Variants in TRDN observed in about 807,000 individuals in gnomAD.
The protein encoded by TRDN is triadin in skeletal muscle.
Under a neutral mutation model 149.7 loss-of-function variants are expected in TRDN, and 161 were observed. That is an observed-to-expected ratio of 1.08 (90% confidence interval 0.95 to 1.23). TRDN has a LOEUF of 1.23. Ranked by LOEUF, TRDN falls within the 50% of genes most tolerant of loss-of-function variation. The pLI is 0.00. For missense variants in TRDN, 896 were observed against 823.5 expected, an observed-to-expected ratio of 1.09 and a Z score of -1.08; for synonymous variants, 294 against 250.5, an observed-to-expected ratio of 1.17 and a Z score of -1.64.
chr6:123,530,594 A>C (rs1268079469), intron 4 of TRDN, 29 bp from the exon 5 acceptor site: 1 of 1,163,400 alleles, frequency 8.6e-7, no homozygotes, highest in Non-Finnish European at 1.2e-6. Context: ...TATAATTTTA[A>C]AACTCTGAAA....
At chr6:123,364,295 G>T (rs1781007805) in intron 20 of TRDN, among the ~76,000 whole-genome samples, 1 of 152,158 alleles carries the variant, frequency 6.6e-6, no homozygotes, top group Non-Finnish European at 1.5e-5. Context: ...TCTTAACTGT[G>T]TCTCAAGACT....
intron 12 of TRDN, among the ~76,000 whole-genome samples, chr6:123,435,926 T>A (rs1034837371): frequency 6.6e-6 from 1 of 151,944 alleles, no homozygotes; most frequent in Admixed American, 6.6e-5. Flanking sequence ...GATTTTCCCA[T>A]GAACCATTGC....
intron 12 of TRDN, among the ~76,000 whole-genome samples, chr6:123,422,840 C>T (rs1445434065): frequency 6.6e-6 from 1 of 152,092 alleles, no homozygotes; most frequent in African/African-American, 2.4e-5. Context: ...TCAATGACAA[C>T]TATAACAGGT....
At chr6:123,560,730 C>T (rs1781943726) in intron 2 of TRDN, among the ~76,000 whole-genome samples, 1 of 152,202 alleles carries the variant, frequency 6.6e-6, no homozygotes, top group African/African-American at 2.4e-5. Context: ...ATCTATCAAT[C>T]TCTTCCCACA....
chr6:123,474,140 A>G (rs1325067621), intron 9 of TRDN, among the ~76,000 whole-genome samples: 1 of 148,524 alleles, frequency 6.7e-6, no homozygotes, highest in African/African-American at 2.5e-5. Flanking sequence ...ATTAAAAGAC[A>G]CAGACTGGCA....
In TRDN at chr6:123,550,177, C is replaced by G. The variant is rs79507376; in HGVS notation, c.233-1565G>C. 2.9e-3 allele frequency among the ~76,000 whole-genome samples: 439 copies of G among 151,988 alleles called. 2 individuals are homozygous for G. Among genetic ancestry groups the G allele is most frequent in the African/African-American group, 0.01 (421 of 41,454 alleles). On this transcript the variant is annotated intron_variant, in intron 2 of 40. Coordinates refer to ENST00000334268, the MANE Select transcript of TRDN (RefSeq NM_006073.4). ...AAGCCATAACAATGAGTGAGATCACCAAGGAAGTTGACCCAGAGACACTTT... is the reference window on the plus strand; with the variant it reads ...AAGCCATAACAATGAGTGAGATCACGAAGGAAGTTGACCCAGAGACACTTT...
chr6:123,290,739 G>T (rs1777980675), intron 24 of TRDN, among the ~76,000 whole-genome samples: 1 of 152,130 alleles, frequency 6.6e-6, no homozygotes, highest in South Asian at 2.1e-4. Flanking sequence ...ATGTGCCAAA[G>T]AAATATATCC....
chr6:123,243,938 T>A (rs991173551), intron 38 of TRDN, among the ~76,000 whole-genome samples: 3 of 152,068 alleles, frequency 2.0e-5, no homozygotes, highest in African/African-American at 4.8e-5. Context: ...CACTTGGACA[T>A]CCAGTCACAG....
chr6:123,491,643 T>G (rs1185766878), intron 9 of TRDN, among the ~76,000 whole-genome samples: 1 of 152,220 alleles, frequency 6.6e-6, no homozygotes. Context: ...CATTGTATAC[T>G]TATCAAGTTA....
chr6:123,417,965 G>A (rs991571758), intron 12 of TRDN, among the ~76,000 whole-genome samples: 15 of 152,094 alleles, frequency 9.9e-5, no homozygotes, highest in African/African-American at 2.2e-4. Flanking sequence ...CTTAAATCAC[G>A]TTTGTAACAG....
At chr6:123,328,479 C>T (rs568970464) in intron 23 of TRDN, among the ~76,000 whole-genome samples, 1 of 152,194 alleles carries the variant, frequency 6.6e-6, no homozygotes, top group African/African-American at 2.4e-5. Flanking sequence ...GTGGTTGTTG[C>T]CGTTTTTGTT....
intron 2 of TRDN, among the ~76,000 whole-genome samples, chr6:123,554,354 T>G (rs6569350): frequency 0.032 from 4,838 of 152,234 alleles, 107 homozygotes; most frequent in African/African-American, 0.066. Context: ...ATATTCTAAG[T>G]GTAATATATA....
intron 9 of TRDN, chr6:123,470,253 A>T (rs1777078958): frequency 6.6e-6 from 1 of 152,212 alleles, no homozygotes; most frequent in African/African-American, 2.4e-5. Context: ...TGGACAAGAT[A>T]CGTAAAAGTG....
chr6:123,499,713 AAAAAAAAT>A lies in TRDN; in HGVS notation c.794-2469_794-2462del, dbSNP rs1322980137. 5.0e-5 allele frequency among the ~76,000 whole-genome samples: 3 copies of A among 60,274 alleles called. No homozygotes were observed. The East Asian group carries it at 1.0e-3, about 21-fold the overall frequency. 39.5% of individuals were successfully genotyped at this position (60,274 alleles called of 152,430 possible). A position where few individuals can be genotyped will look rare whatever the true frequency, so the allele number is the denominator to read the frequency against. On this transcript the variant is annotated intron_variant, in intron 8 of 40. Transcript: ENST00000334268. ...AGTGAGATTCTGGCTCAAAAAAAAA[AAAAAAAAT>A]ATATATATATATATATATATATAGT...
At chr6:123,490,236 C>T (rs1207209950) in intron 9 of TRDN, among the ~76,000 whole-genome samples, 3 of 151,988 alleles carry the variant, frequency 2.0e-5, no homozygotes, top group Non-Finnish European at 4.4e-5. Flanking sequence ...AAATGTATTC[C>T]AAGATATCCA....
intron 1 of TRDN, among the ~76,000 whole-genome samples, chr6:123,605,057 G>A (rs1212273839): frequency 2.0e-5 from 3 of 151,740 alleles, no homozygotes; most frequent in Admixed American, 6.6e-5. Context: ...GCATATCATT[G>A]TTGACTAGAT....
At chr6:123,466,091 G>C (rs991194202) in intron 9 of TRDN, among the ~76,000 whole-genome samples, 1 of 152,138 alleles carries the variant, frequency 6.6e-6, no homozygotes, top group Non-Finnish European at 1.5e-5. Flanking sequence ...AGTATGTATA[G>C]AAGCCAAACA....
At chr6:123,622,156 A>G (rs557926542) in intron 1 of TRDN, among the ~76,000 whole-genome samples, 2 of 152,024 alleles carry the variant, frequency 1.3e-5, no homozygotes, top group African/African-American at 4.8e-5. Flanking sequence ...TCCTCAGTCT[A>G]CTCAATGTGA....
intron 12 of TRDN, among the ~76,000 whole-genome samples, chr6:123,410,557 C>A (rs1773390361): frequency 6.6e-6 from 1 of 151,890 alleles, no homozygotes; most frequent in Admixed American, 6.6e-5. Context: ...ATTGTGTATC[C>A]ACAATAAGTG....
Sources: allele counts gnomAD v4.1 joint callset (sites outside exome capture counted in the v4.1 genomes callset), GRCh38; gene constraint gnomAD v4.1.1; transcripts MANE v1.5; gene names NCBI Gene and HGNC (gene_info 2026-07-23, HGNC 2026-07-21).